The following CCDC150 variants were observed in gnomAD, a reference collection of about 807,000 sequenced individuals.
The protein encoded by CCDC150 is coiled-coil domain-containing protein 150.
In CCDC150, 151 loss-of-function variants were observed where a neutral mutation model predicts 156.5. The ratio of observed to expected loss-of-function variants is 0.97; its 90% CI spans 0.85 to 1.10. CCDC150 has a LOEUF of 1.10. Among genes scored for constraint, CCDC150 ranks in the 50% least tolerant of loss-of-function variants. The pLI, the probability that CCDC150 is intolerant of heterozygous loss-of-function variation, is 0.00. For synonymous variants in CCDC150, 452 were observed against 429.4 expected (o/e 1.05, Z -0.65); for missense variants, 1,312 against 1,268.1 (o/e 1.03, Z -0.53).
chr2:196,731,051 A>C, intron 26 of CCDC150, 106 bp downstream of exon 26: 1 of 739,998 alleles, frequency 1.4e-6, no homozygotes, highest in Non-Finnish European at 2.2e-6. Context: ...GTTGTCAGGA[A>C]TGCAACAGGG....
At chr2:196,670,138 A>G (rs962323213) in intron 8 of CCDC150, among the ~76,000 whole-genome samples, 2 of 152,200 alleles carry the variant, frequency 1.3e-5, no homozygotes, top group African/African-American at 4.8e-5. Flanking sequence ...TAATTGTTAT[A>G]AAATAAACTT....
At chr2:196,730,790 T>A (rs962765292) in intron 25 of CCDC150, 69 bp from the exon 26 acceptor site, 6 of 1,181,296 alleles carry the variant, frequency 5.1e-6, no homozygotes, top group South Asian at 2.8e-5. Context: ...CCATTTATTA[T>A]AACAGTGAAG....
chr2:196,678,496 T>G (rs1436561682), intron 13 of CCDC150, among the ~76,000 whole-genome samples: 2 of 152,352 alleles, frequency 1.3e-5, no homozygotes, highest in East Asian at 3.9e-4. Flanking sequence ...CAAATGAGGC[T>G]GACTTCCTGT....
At chr2:196,729,456 G>A in intron 23 of CCDC150, 69 bp downstream of exon 23, 5 of 1,481,078 alleles carry the variant, frequency 3.4e-6, no homozygotes, top group Non-Finnish European at 3.7e-6. Flanking sequence ...TGGTGTCTAG[G>A]GAAGACAGGT....
chr2:196,664,179 G>A (rs1693712214), intron 5 of CCDC150, among the ~76,000 whole-genome samples: 1 of 152,112 alleles, frequency 6.6e-6, no homozygotes, highest in East Asian at 1.9e-4. Context: ...CTGTTCTTCA[G>A]TGGACACCAG....
intron 1 of CCDC150, among the ~76,000 whole-genome samples, chr2:196,643,767 T>A (rs1053710772): frequency 1.3e-5 from 2 of 152,210 alleles, no homozygotes; most frequent in African/African-American, 2.4e-5. Context: ...CAGAAATTGT[T>A]CTCCCTTCCC....
intron 13 of CCDC150, among the ~76,000 whole-genome samples, chr2:196,683,152 G>T (rs1694940540): frequency 6.6e-6 from 1 of 151,828 alleles, no homozygotes; most frequent in Admixed American, 6.6e-5. Flanking sequence ...TCAACTGTGG[G>T]GTTTTTTCAA....
chr2:196,713,242 A>G (rs1024673092), intron 17 of CCDC150: 5 of 1,305,860 alleles, frequency 3.8e-6, no homozygotes, highest in Admixed American at 3.5e-5. Flanking sequence ...TTTTCAATAT[A>G]TTTTCCATTA....
Position 196,712,649 on chromosome 2 carries a change from A to T in CCDC150, c.1804-28A>T, listed in dbSNP as rs184649492. 365 of 1,581,578 alleles carry T rather than the reference A, an allele frequency of 2.3e-4. 2 individuals carry two copies. The Admixed American group carries it at 6.0e-3, about 26-fold the overall frequency. ...TTTAAAATTTTGGCAGTTGTGAGGA[A>T]CAAGTATCTTTGTTTTTTGAATTAA... is the stretch of plus-strand genomic sequence containing the variant. On this transcript the variant is annotated intron_variant, in intron 16 of 27. Coordinates refer to ENST00000389175, the MANE Select transcript of CCDC150 (RefSeq NM_001080539.2).
Position 196,657,175 on chromosome 2 carries a change from A to G in CCDC150, c.576+39A>G, listed in dbSNP as rs775506733. 133 of 1,584,736 alleles carry G rather than the reference A, an allele frequency of 8.4e-5. No individual in the cohort carries two copies. The South Asian group carries it at 1.3e-3, about 15-fold the overall frequency. ...AGTTCTGAAGTATAAACACACTGTT[A>G]TGTGTTAGCTGGAGGAGGTAACAGA... On this transcript the variant is annotated intron_variant, in intron 4 of 27. Coordinates refer to ENST00000389175, the MANE Select transcript of CCDC150 (RefSeq NM_001080539.2).
chr2:196,639,936 G>A (rs1361208107), intron 1 of CCDC150, among the ~76,000 whole-genome samples, 158 bp downstream of exon 1: 1 of 152,184 alleles, frequency 6.6e-6, no homozygotes, highest in Non-Finnish European at 1.5e-5. Context: ...AGGCGCTTTG[G>A]CGTTGGCTGC....
At chr2:196,704,805 T>G (rs1215398731) in intron 15 of CCDC150, among the ~76,000 whole-genome samples, 1 of 152,086 alleles carries the variant, frequency 6.6e-6, no homozygotes, top group Non-Finnish European at 1.5e-5. Flanking sequence ...GGGGTGTTTG[T>G]TTTTCTGTCC....
At chr2:196,712,621 C>A in intron 16 of CCDC150, 56 bp from the exon 17 acceptor site, 1 of 1,245,426 alleles carries the variant, frequency 8.0e-7, no homozygotes, top group Non-Finnish European at 1.2e-6. Flanking sequence ...AAAGGCAGTG[C>A]TTTTTAAAAT....
intron 17 of CCDC150, among the ~76,000 whole-genome samples, chr2:196,713,978 G>T (rs2714148): frequency 6.6e-6 from 1 of 152,006 alleles, no homozygotes; most frequent in South Asian, 2.1e-4. Context: ...CTTGGATAAA[G>T]CCTCATTTTC....
At chr2:196,676,948 G>A (rs1694542699) in intron 12 of CCDC150, among the ~76,000 whole-genome samples, 1 of 152,230 alleles carries the variant, frequency 6.6e-6, no homozygotes, top group Admixed American at 6.5e-5. Context: ...GTTAGTGAAT[G>A]TTAACTAGTA....
At chr2:196,677,996 A>T (rs2125619755) in intron 13 of CCDC150, among the ~76,000 whole-genome samples, 1 of 150,146 alleles carries the variant, frequency 6.7e-6, no homozygotes, top group South Asian at 2.1e-4. Context: ...TGTCAAAAAG[A>T]AAAAAAAAAT....
chr2:196,646,677 A>G (rs1692561731), intron 2 of CCDC150, among the ~76,000 whole-genome samples, 173 bp downstream of exon 2: 1 of 152,206 alleles, frequency 6.6e-6, no homozygotes, highest in African/African-American at 2.4e-5. Flanking sequence ...TCTGTGATAG[A>G]GCTAGAGCTA....
chr2:196,678,177 A>G (rs1694622326), intron 13 of CCDC150, among the ~76,000 whole-genome samples: 1 of 152,214 alleles, frequency 6.6e-6, no homozygotes. Flanking sequence ...CAAATTTTGA[A>G]GAGAGTAAAG....
At chr2:196,661,056 T>G (rs1018372136) in intron 5 of CCDC150, among the ~76,000 whole-genome samples, 1 of 152,212 alleles carries the variant, frequency 6.6e-6, no homozygotes, top group Non-Finnish European at 1.5e-5. Flanking sequence ...GAAAAGACAA[T>G]CCTTTCTCCT....
Sources: gnomAD v4.1 joint callset for allele counts (sites outside exome capture counted in the v4.1 genomes callset) on GRCh38, gnomAD v4.1.1 for gene constraint, MANE v1.5 for transcripts, NCBI Gene and HGNC (gene_info 2026-07-23, HGNC 2026-07-21) for gene names.